SAAL1: variants seen among roughly 807,000 people sequenced by gnomAD.
SAAL1 encodes the protein protein SAAL1.
A neutral mutation model predicts 59.8 loss-of-function variants in SAAL1; 42 were observed. The observed-to-expected ratio is 0.70, with a 90% CI of 0.55 to 0.91. SAAL1 has a LOEUF of 0.91. Among genes scored for constraint, SAAL1 ranks in the 40% least tolerant of loss-of-function variants. The probability of loss-of-function intolerance (pLI) is 0.00; values close to 1 mark genes in which losing one functional copy is unlikely to be tolerated. For missense variants in SAAL1, 542 were observed against 561.1 expected (o/e 0.97, Z 0.34); for synonymous variants, 191 against 194.3 (o/e 0.98, Z 0.14).
intron 3 of SAAL1, among the ~76,000 whole-genome samples, chr11:18,095,463 C>T (rs964833): frequency 0.41 from 63,028 of 151,994 alleles, 13,708 homozygotes; most frequent in African/African-American, 0.52. Context: ...TGTAAAAATA[C>T]ACTATGGAAT....
Position 18,083,533 on chromosome 11 carries a change from A to C in SAAL1, c.1239+2T>G. 6.5e-7 allele frequency: 1 copy of C among 1,539,628 alleles called. No individual in the cohort carries two copies. The highest frequency in any genetic ancestry group is 2.2e-5 in the East Asian group (1 of 44,446). ...ATGACATCATCAATACTTCTTTCCT[A>C]CCTTTGTTAATGCCTGAAAAATATT... On this transcript the variant is annotated splice_donor_variant, in intron 10 of 11. Coordinates refer to ENST00000524803, the MANE Select transcript of SAAL1 (RefSeq NM_138421.3). LOFTEE classifies it high-confidence loss of function.
chr11:18,102,297 G>C (rs1267554438), intron 2 of SAAL1, among the ~76,000 whole-genome samples: 2 of 151,798 alleles, frequency 1.3e-5, no homozygotes, highest in Non-Finnish European at 2.9e-5. Context: ...AGCTACTCTG[G>C]ACGCTATGGC....
chr11:18,080,686 G>A (rs112389023), intron 11 of SAAL1, among the ~76,000 whole-genome samples, 195 bp from the exon 12 acceptor site: 10 of 152,200 alleles, frequency 6.6e-5, no homozygotes, highest in African/African-American at 2.2e-4. Flanking sequence ...TTCCCATTCC[G>A]TTTTACTCTT....
At chr11:18,095,422 TTAAA>T (rs1216878015) in intron 3 of SAAL1, among the ~76,000 whole-genome samples, 31 of 152,220 alleles carry the variant, frequency 2.0e-4, no homozygotes, top group African/African-American at 7.5e-4. Context: ...AACATTCTAC[TTAAA>T]TAAGAATTCT....
chr11:18,096,989 A>G, intron 2 of SAAL1, 135 bp from the exon 3 acceptor site: 2 of 619,362 alleles, frequency 3.2e-6, no homozygotes, highest in Non-Finnish European at 5.6e-6. Context: ...TAATCCTAGC[A>G]CATTGGGAGG....
intron 1 of SAAL1, among the ~76,000 whole-genome samples, chr11:18,105,588 G>A (rs572036428): frequency 6.6e-6 from 1 of 152,314 alleles, no homozygotes; most frequent in African/African-American, 2.4e-5. Flanking sequence ...AATGACAGTG[G>A]GGATGGGGAG....
chr11:18,088,181 A>G (rs1410407562), intron 7 of SAAL1, among the ~76,000 whole-genome samples: 2 of 152,238 alleles, frequency 1.3e-5, no homozygotes, highest in Non-Finnish European at 2.9e-5. Flanking sequence ...GAATAAGGAT[A>G]GCGCTACTGG....
At chr11:18,089,278 C>G in intron 7 of SAAL1, 52 bp downstream of exon 7, 3 of 1,434,446 alleles carry the variant, frequency 2.1e-6, no homozygotes, top group East Asian at 2.4e-5. Flanking sequence ...TCTGAGAATA[C>G]TTCTAGCAAT....
chr11:18,084,525 C>G (rs1471292266), intron 9 of SAAL1, among the ~76,000 whole-genome samples: 5 of 152,150 alleles, frequency 3.3e-5, no homozygotes, highest in African/African-American at 1.2e-4. Context: ...TCAAAGACAC[C>G]AGGCATACTT....
rs766041560 is a variant in SAAL1, at chr11:18,081,498, C to T, written c.1245G>A (p.Thr415=). 34 of 1,613,538 alleles carry T rather than the reference C, an allele frequency of 2.1e-5. No individual in the cohort carries two copies. The highest frequency in any genetic ancestry group is 2.1e-4 in the South Asian group (19 of 91,044). The change falls in exon 11 of 12, where the codon ACG becomes ACA. Residue 415 remains threonine, a synonymous_variant. Coordinates refer to ENST00000524803, the MANE Select transcript of SAAL1 (RefSeq NM_138421.3). ...GGCCTTCCTTTACTCCCTGAGCCAC[C>T]GTCTCCTAAAACAACAACAAGATTT... ...SNIFQALTKE[T]VAQGVKEGQL... is the part of the protein sequence containing the mutation.
At chr11:18,083,396 A>G (rs567421867) in intron 10 of SAAL1, 139 bp downstream of exon 10, 62 of 538,906 alleles carry the variant, frequency 1.2e-4, no homozygotes, top group African/African-American at 1.0e-3. Context: ...TTAAGATTAT[A>G]AACTCATGGT....
In SAAL1 at chr11:18,106,068, G is replaced by A. The variant is rs1298491923; in HGVS notation, c.-27C>T. The A allele has an allele frequency of 4.4e-6, 7 of 1,584,276 alleles. No homozygotes were observed. The Admixed American group carries it at 7.0e-5, about 16-fold the overall frequency. On this transcript the variant is annotated 5_prime_UTR_variant, in exon 1 of 12. Transcript: ENST00000524803. ...ACTTTGTCGCGTCCCGCGCTTGAAG[G>A]CCGTGCCGGAAGCTGCGGAGGAGAC... is the stretch of plus-strand genomic sequence containing the variant.
At chr11:18,081,706 C>T (rs1184189162) in intron 10 of SAAL1, 1 of 567,228 alleles carries the variant, frequency 1.8e-6, no homozygotes, top group Non-Finnish European at 3.2e-6. Context: ...AGGGCACCAC[C>T]ATCCACCCTG....
At position 18,105,816 on chromosome 11, in the gene SAAL1, G is replaced by A. The variant is rs1255362919; in HGVS notation, c.135+91C>T. On this transcript the variant is annotated intron_variant, in intron 1 of 11. Coordinates refer to ENST00000524803, the MANE Select transcript of SAAL1 (RefSeq NM_138421.3). ...CTGGGGAGGGGTCTTTGTGGGGATG[G>A]CGGCTCCCGGGGCAGGAGGATTCGC... 7 of 1,423,950 alleles carry A rather than the reference G, an allele frequency of 4.9e-6. No individual in the cohort carries two copies. In the African/African-American group the frequency reaches 8.6e-5, roughly 18 times the overall value. The allele number at this position is 1,423,950 out of a possible 1,614,324, so 88.2% of individuals were successfully genotyped here.
chr11:18,092,339 T>C lies in SAAL1; in HGVS notation c.334-15A>G. 1 of 1,530,000 alleles carries C rather than the reference T, an allele frequency of 6.5e-7. No individual in the cohort carries two copies. Among genetic ancestry groups the C allele is most frequent in the South Asian group, 1.1e-5 (1 of 88,454 alleles). The allele number at this position is 1,530,000 out of a possible 1,614,324, so 94.8% of individuals were successfully genotyped here. A position where few individuals can be genotyped will look rare whatever the true frequency, so the allele number is the denominator to read the frequency against. ...ACACAGATTTCCTGCCAAATCAAAT[T>C]TTACAAGTCACAATGGCTCTGAGAC... On this transcript the variant is annotated splice_polypyrimidine_tract_variant and intron_variant, in intron 3 of 11. Coordinates refer to ENST00000524803, the MANE Select transcript of SAAL1 (RefSeq NM_138421.3).
At chr11:18,095,531 G>C (rs1355535449) in intron 3 of SAAL1, among the ~76,000 whole-genome samples, 3 of 152,188 alleles carry the variant, frequency 2.0e-5, no homozygotes, top group Non-Finnish European at 4.4e-5. Flanking sequence ...ACTGAAGTCA[G>C]GCCTAGGCTG....
chr11:18,096,131 T>C (rs1848573177), intron 3 of SAAL1, among the ~76,000 whole-genome samples: 1 of 152,212 alleles, frequency 6.6e-6, no homozygotes, highest in African/African-American at 2.4e-5. Flanking sequence ...GCCCAGGCTC[T>C]GTTCCTTGTT....
intron 9 of SAAL1, 108 bp from the exon 10 acceptor site, chr11:18,083,839 C>A (rs1848435568): frequency 3.5e-6 from 2 of 571,862 alleles, no homozygotes. Context: ...TACAGATACA[C>A]TGGTAACATC....
At position 18,105,895 on chromosome 11, in the gene SAAL1, G is replaced by A. The variant is rs201835947; in HGVS notation, c.135+12C>T. On this transcript the variant is annotated intron_variant, in intron 1 of 11. Coordinates refer to ENST00000524803, the MANE Select transcript of SAAL1 (RefSeq NM_138421.3). ...TGTAGGGACACCCCACGCGTGGCGC[G>A]AGTTTCCACACCTGGATGAGTCCGC... is the stretch of plus-strand genomic sequence containing the variant. The A allele has an allele frequency of 3.8e-6, 6 of 1,587,682 alleles. No homozygotes were observed. Among genetic ancestry groups the A allele is most frequent in the African/African-American group, 1.3e-5 (1 of 74,348 alleles).
Sources: allele counts gnomAD v4.1 joint callset (sites outside exome capture counted in the v4.1 genomes callset), GRCh38; gene constraint gnomAD v4.1.1; transcripts MANE v1.5; gene names NCBI Gene and HGNC (gene_info 2026-07-23, HGNC 2026-07-21).